TMEM132C: variants seen among roughly 807,000 people sequenced by gnomAD.
TMEM132C encodes the protein transmembrane protein 132C.
A neutral mutation model predicts 61.4 loss-of-function variants in TMEM132C; 29 were observed. That is an observed-to-expected ratio of 0.47 (90% CI 0.35 to 0.64). The LOEUF is 0.64. TMEM132C is among the 30% of genes least tolerant of loss of function. The probability of loss-of-function intolerance (pLI) is 0.00; values close to 1 mark genes in which losing one functional copy is unlikely to be tolerated. For synonymous variants in TMEM132C, 656 were observed against 633.1 expected, an observed-to-expected ratio of 1.04 and a Z score of -0.54; for missense variants, 1,408 against 1,476.9, an observed-to-expected ratio of 0.95 and a Z score of 0.76.
intron 1 of TMEM132C, among the ~76,000 whole-genome samples, chr12:128,308,333 C>G (rs1239945245): frequency 6.7e-6 from 1 of 150,258 alleles, no homozygotes; most frequent in East Asian, 2.1e-4. Context: ...TCTTATCAAA[C>G]ATATCACCCT....
rs1031854149 is a variant in TMEM132C, at chr12:128,706,236, G to A, written c.3268G>A (p.Ala1090Thr). 83 of 1,551,386 alleles carry A rather than the reference G, an allele frequency of 5.4e-5. No homozygotes were observed. The highest frequency in any genetic ancestry group is 7.0e-5 in the Non-Finnish European group (80 of 1,146,868). Residue 1090 changes from alanine to threonine, a missense_variant, in exon 9 of 9, where the codon GCT becomes ACT. Coordinates refer to ENST00000435159, the MANE Select transcript of TMEM132C (RefSeq NM_001136103.3). ...EDIKWVCQDV[A>T]VGAPKELRNY... is the part of the protein sequence containing the mutation. ...CATCAAATGGGTGTGTCAAGACGTG[G>A]CTGTGGGTGCCCCCAAGGAACTTAG... is the stretch of plus-strand genomic sequence containing the variant.
intron 3 of TMEM132C, among the ~76,000 whole-genome samples, chr12:128,572,325 T>G (rs58042495): frequency 1.4e-5 from 2 of 145,904 alleles, no homozygotes. Context: ...GCCAGACCTG[T>G]GTCACATGCC....
chr12:128,383,166 A>C (rs1259823571), intron 1 of TMEM132C, among the ~76,000 whole-genome samples: 1 of 152,004 alleles, frequency 6.6e-6, no homozygotes, highest in Non-Finnish European at 1.5e-5. Flanking sequence ...GCACCTGTGC[A>C]TGTGTGTCAG....
chr12:128,600,644 A>C (rs1374362502), intron 3 of TMEM132C, among the ~76,000 whole-genome samples: 1 of 152,156 alleles, frequency 6.6e-6, no homozygotes, highest in African/African-American at 2.4e-5. Context: ...GCTGCCTTCC[A>C]ATGCACTCTG....
rs574181305 is a variant in TMEM132C at position 128,557,152 on chromosome 12, G to A, written c.1121+13049G>A. 2.0e-5 allele frequency among the ~76,000 whole-genome samples: 3 copies of A among 152,066 alleles called. No individual in the cohort carries two copies. In the South Asian group the frequency reaches 6.2e-4, roughly 32 times the overall value. The stretch of plus-strand genomic sequence containing the variant: ...GATTCCTAATTAAAGAGATATTGAC[G>A]GGTTTGTCATCTTACACCAAGGGAC... On this transcript the variant is annotated intron_variant, in intron 3 of 8. Transcript: ENST00000435159.
At chr12:128,301,248 G>A (rs560420882) in intron 1 of TMEM132C, among the ~76,000 whole-genome samples, 21 of 152,144 alleles carry the variant, frequency 1.4e-4, no homozygotes, top group African/African-American at 4.6e-4. Context: ...GAAATGCAGA[G>A]AAAAACAGAA....
intron 3 of TMEM132C, among the ~76,000 whole-genome samples, chr12:128,545,292 G>A (rs1044513910): frequency 6.6e-6 from 1 of 152,200 alleles, no homozygotes; most frequent in African/African-American, 2.4e-5. Flanking sequence ...TTGCTGCAAA[G>A]GGTATGATTT....
rs140426503 is a variant in TMEM132C at position 128,660,397 on chromosome 12, G to A, written c.1306-9020G>A. On this transcript the variant is annotated intron_variant, in intron 4 of 8. Coordinates refer to ENST00000435159, the MANE Select transcript of TMEM132C (RefSeq NM_001136103.3). ...TTAAACTTGGGAATGAGAATGTAAG[G>A]TCTGGGCACAACCACTGGGAGTTCC... Among the ~76,000 whole-genome samples, 401 of 152,280 alleles carry A rather than the reference G, an allele frequency of 2.6e-3. 1 individual carries two copies. Among genetic ancestry groups the A allele is most frequent in the Middle Eastern group, 0.024 (7 of 294 alleles).
chr12:128,583,388 T>C (rs1324707954), intron 3 of TMEM132C, among the ~76,000 whole-genome samples: 1 of 112,366 alleles, frequency 8.9e-6, no homozygotes, highest in Non-Finnish European at 2.2e-5. Context: ...TGCAGAATAT[T>C]GGTCAAAAAA....
chr12:128,601,980 A>G (rs1431930111), intron 3 of TMEM132C, among the ~76,000 whole-genome samples: 2 of 152,110 alleles, frequency 1.3e-5, no homozygotes, highest in Non-Finnish European at 2.9e-5. Flanking sequence ...TGGGAGGCTA[A>G]GGCAGGAGGA....
At chr12:128,614,794 G>A (rs140613685) in intron 3 of TMEM132C, among the ~76,000 whole-genome samples, 11 of 152,294 alleles carry the variant, frequency 7.2e-5, no homozygotes, top group Admixed American at 3.9e-4. Context: ...AAGGATACTA[G>A]GCAATTCACA....
intron 6 of TMEM132C, among the ~76,000 whole-genome samples, chr12:128,694,536 G>A (rs900050698): frequency 2.6e-5 from 4 of 152,278 alleles, no homozygotes; most frequent in Admixed American, 6.5e-5. Flanking sequence ...AGAGTATGGG[G>A]TCTTGTTTTC....
At chr12:128,481,948 A>G (rs1389638444) in intron 2 of TMEM132C, among the ~76,000 whole-genome samples, 1 of 152,114 alleles carries the variant, frequency 6.6e-6, no homozygotes, top group African/African-American at 2.4e-5. Flanking sequence ...CATGAGGGCC[A>G]TTTGTCTCAT....
chr12:128,384,783 G>A lies in TMEM132C; in HGVS notation c.86-29949G>A, dbSNP rs1485789418. On this transcript the variant is annotated intron_variant, in intron 1 of 8. Transcript: ENST00000435159. ...GCACTAAAGGCTGGCTTAGTGAGGG[G>A]ACTTTACCTTCTACTTTCAAGTAAG... 5.3e-5 allele frequency among the ~76,000 whole-genome samples: 8 copies of A among 152,306 alleles called. 1 individual carries two copies. The highest frequency in any genetic ancestry group is 7.2e-5 in the African/African-American group (3 of 41,560).
chr12:128,487,159 A>G (rs11059715), intron 2 of TMEM132C, among the ~76,000 whole-genome samples: 10,142 of 152,216 alleles, frequency 0.067, 587 homozygotes, highest in East Asian at 0.28. Context: ...TGCTCATTCA[A>G]TAGCTCCCTG....
chr12:128,377,664 G>A (rs1713616), intron 1 of TMEM132C, among the ~76,000 whole-genome samples: 1 of 152,306 alleles, frequency 6.6e-6, no homozygotes, highest in Non-Finnish European at 1.5e-5. Context: ...GTGTCCTGAT[G>A]GTGATGAAAA....
intron 2 of TMEM132C, among the ~76,000 whole-genome samples, chr12:128,475,385 A>C (rs549108423): frequency 4.9e-4 from 75 of 152,306 alleles, no homozygotes; most frequent in Non-Finnish European, 8.1e-4. Context: ...ACAGATTAGC[A>C]GTTGCAGGTT....
intron 6 of TMEM132C, among the ~76,000 whole-genome samples, chr12:128,695,584 C>T (rs1483690610): frequency 1.3e-5 from 2 of 152,160 alleles, no homozygotes; most frequent in African/African-American, 4.8e-5. Flanking sequence ...TGTCCAATGC[C>T]TACTTATGAG....
At chr12:128,674,572 G>A (rs144751279) in intron 5 of TMEM132C, among the ~76,000 whole-genome samples, 2 of 152,200 alleles carry the variant, frequency 1.3e-5, no homozygotes, top group African/African-American at 4.8e-5. Flanking sequence ...GCATTCTCAC[G>A]AGTCATATCT....
Sources: allele counts gnomAD v4.1 joint callset (sites outside exome capture counted in the v4.1 genomes callset), GRCh38; gene constraint gnomAD v4.1.1; transcripts MANE v1.5; gene names NCBI Gene and HGNC (gene_info 2026-07-23, HGNC 2026-07-21).